LCP1: variants seen among roughly 807,000 people sequenced by gnomAD.
LCP1 encodes plastin-2.
A neutral mutation model predicts 72.0 loss-of-function variants in LCP1; 23 were observed. The observed-to-expected ratio is 0.32, with a 90% CI of 0.23 to 0.45. The LOEUF (loss-of-function observed/expected upper bound fraction) is 0.45. LCP1 is among the 20% of genes least tolerant of loss of function. The pLI, the probability that LCP1 is intolerant of heterozygous loss-of-function variation, is 1.00. For synonymous variants in LCP1, 245 were observed against 275.4 expected, an observed-to-expected ratio of 0.89 and a Z score of 1.09; for missense variants, 571 against 748.3, an observed-to-expected ratio of 0.76 and a Z score of 2.76.
intron 11 of LCP1, 119 bp downstream of exon 11, chr13:46,144,323 C>A: frequency 1.3e-6 from 1 of 765,638 alleles, no homozygotes; most frequent in South Asian, 1.8e-5. Context: ...GCACTTTTTC[C>A]CCTTCCAGCA....
rs574524832 is a variant in LCP1, at chr13:46,129,395, TGTTTTTCCTTCTGC to T, written c.1751+1405_1751+1418del. Among the ~76,000 whole-genome samples, 12 of 152,258 alleles carry T rather than the reference TGTTTTTCCTTCTGC, an allele frequency of 7.9e-5. No individual in the cohort carries two copies. The South Asian group carries it at 2.5e-3, about 32-fold the overall frequency. On this transcript the variant is annotated intron_variant, in intron 15 of 15. Transcript: ENST00000323076. ...TTTACAATTTCTGGGTCTTCATATG[TGTTTTTCCTTCTGC>T]CTGGAACATTCTTCCTCTCTCCTTC...
chr13:46,146,882 A>C, intron 10 of LCP1, 26 bp downstream of exon 10: 2 of 1,611,982 alleles, frequency 1.2e-6, no homozygotes, highest in Middle Eastern at 3.3e-4. Context: ...GCCTTTCCCC[A>C]TCTTAGGCAA....
intron 1 of LCP1, among the ~76,000 whole-genome samples, chr13:46,162,534 G>C (rs2045846670): frequency 6.6e-6 from 1 of 152,046 alleles, no homozygotes; most frequent in South Asian, 2.1e-4. Flanking sequence ...GCTCCTAACC[G>C]TGAGTGATCT....
At chr13:46,141,849 C>T (rs909084004) in intron 13 of LCP1, among the ~76,000 whole-genome samples, 7 of 151,972 alleles carry the variant, frequency 4.6e-5, no homozygotes, top group Non-Finnish European at 8.8e-5. Context: ...TAAAAAGTCC[C>T]TTTAAAAGTA....
At chr13:46,156,645 T>A (rs1333226223) in intron 4 of LCP1, 75 bp from the exon 5 acceptor site, 12 of 1,465,084 alleles carry the variant, frequency 8.2e-6, no homozygotes, top group Non-Finnish European at 1.1e-5. Flanking sequence ...ATGTGGATCT[T>A]AAATTCTCAT....
At chr13:46,157,358 T>G (rs1302844759) in intron 4 of LCP1, among the ~76,000 whole-genome samples, 1 of 152,202 alleles carries the variant, frequency 6.6e-6, no homozygotes, top group Non-Finnish European at 1.5e-5. Flanking sequence ...TGGATCACTG[T>G]GGACAATCCT....
At chr13:46,176,058 G>A (rs1309764623) in intron 1 of LCP1, among the ~76,000 whole-genome samples, 2 of 152,186 alleles carry the variant, frequency 1.3e-5, no homozygotes, top group Non-Finnish European at 2.9e-5. Flanking sequence ...GCTGGGAAGG[G>A]TAGGGGGAAG....
At position 46,154,879 on chromosome 13, in the gene LCP1, T is replaced by A. The variant is rs778077497; in HGVS notation, c.499A>T (p.Ile167Phe). ...ATTGTGTCTGGCACTGACAGGTTGA[T>A]CATTTTACTGAAAGAGAAACAATTA... ...VGDGIVLCKMINLSVPDTIDE... is the reference protein window; with the variant it reads ...VGDGIVLCKMFNLSVPDTIDE... Residue 167 changes from isoleucine to phenylalanine, a missense_variant, in exon 6 of 16, where the codon ATC becomes TTC. Transcript: ENST00000323076. 6.2e-7 allele frequency: 1 copy of A among 1,613,168 alleles called. No individual in the cohort carries two copies. The highest frequency in any genetic ancestry group is 1.3e-5 in the African/African-American group (1 of 74,908).
At chr13:46,136,074 TACACACACAC>T (rs58984200) in intron 13 of LCP1, among the ~76,000 whole-genome samples, 307 of 144,028 alleles carry the variant, frequency 2.1e-3, no homozygotes, top group Middle Eastern at 7.0e-3. Context: ...CATCGTGTGC[TACACACACAC>T]ACACACACAC....
chr13:46,149,859 G>A (rs1182750348), intron 8 of LCP1, among the ~76,000 whole-genome samples: 4 of 152,226 alleles, frequency 2.6e-5, no homozygotes, highest in African/African-American at 7.2e-5. Flanking sequence ...TGAGCACAAA[G>A]GGAGAGCATG....
At chr13:46,181,351 C>T (rs1335450341) in intron 1 of LCP1, among the ~76,000 whole-genome samples, 1 of 152,170 alleles carries the variant, frequency 6.6e-6, no homozygotes, top group South Asian at 2.1e-4. Context: ...TATCCCATAT[C>T]AACTGTGTAA....
chr13:46,131,550 C>G (rs2045634175), intron 14 of LCP1, among the ~76,000 whole-genome samples: 1 of 152,166 alleles, frequency 6.6e-6, no homozygotes, highest in Non-Finnish European at 1.5e-5. Flanking sequence ...AAGACACCTG[C>G]ATGCTTGTGT....
chr13:46,137,704 T>G (rs1276246670), intron 13 of LCP1, among the ~76,000 whole-genome samples: 1 of 152,248 alleles, frequency 6.6e-6, no homozygotes, highest in Non-Finnish European at 1.5e-5. Flanking sequence ...TTTGGGACGA[T>G]TGTGCTATTA....
At chr13:46,150,883 C>T (rs938294745) in intron 8 of LCP1, 53 bp downstream of exon 8, 42 of 1,566,638 alleles carry the variant, frequency 2.7e-5, no homozygotes, top group Non-Finnish European at 3.3e-5. Context: ...TATTATTGCC[C>T]AAATTCCCCT....
chr13:46,135,514 C>T (rs2045659815), intron 13 of LCP1, among the ~76,000 whole-genome samples: 1 of 152,158 alleles, frequency 6.6e-6, no homozygotes, highest in Non-Finnish European at 1.5e-5. Flanking sequence ...AAGTTTAGTC[C>T]CTGAAATAAG....
chr13:46,166,018 A>G (rs532827878), intron 1 of LCP1, among the ~76,000 whole-genome samples: 40 of 152,332 alleles, frequency 2.6e-4, no homozygotes, highest in East Asian at 2.1e-3. Context: ...CATTTCTTAA[A>G]TCAGTGAGTT....
chr13:46,172,428 G>A (rs1315375126), intron 1 of LCP1, among the ~76,000 whole-genome samples: 1 of 152,142 alleles, frequency 6.6e-6, no homozygotes, highest in Non-Finnish European at 1.5e-5. Context: ...AGGTTGCAGT[G>A]AGCTGAGATC....
At chr13:46,160,210 G>A (rs2045829587) in intron 1 of LCP1, among the ~76,000 whole-genome samples, 2 of 152,094 alleles carry the variant, frequency 1.3e-5, no homozygotes, top group South Asian at 2.1e-4. Flanking sequence ...AACCTGAGAG[G>A]GCCATTTTGG....
At chr13:46,128,751 T>C (rs997639256) in intron 15 of LCP1, among the ~76,000 whole-genome samples, 3 of 152,258 alleles carry the variant, frequency 2.0e-5, no homozygotes, top group African/African-American at 7.2e-5. Flanking sequence ...TGATAATAGC[T>C]GCATCAGAAC....
Sources: gnomAD v4.1 joint callset for allele counts (sites outside exome capture counted in the v4.1 genomes callset) on GRCh38, gnomAD v4.1.1 for gene constraint, MANE v1.5 for transcripts, NCBI Gene and HGNC (gene_info 2026-07-23, HGNC 2026-07-21) for gene names.